Variants in SCLT1 observed in about 807,000 individuals in gnomAD.
SCLT1 encodes the protein sodium channel-associated protein 1.
In SCLT1, 78 loss-of-function variants were observed where a neutral mutation model predicts 112.8. The ratio of observed to expected loss-of-function variants is 0.69; its 90% CI spans 0.58 to 0.83. The LOEUF (loss-of-function observed/expected upper bound fraction) is 0.83. SCLT1 is among the 40% of genes least tolerant of loss of function. The pLI is 0.00. For missense variants in SCLT1, 747 were observed against 770.4 expected, an observed-to-expected ratio of 0.97 and a Z score of 0.36; for synonymous variants, 257 against 254.7, an observed-to-expected ratio of 1.01 and a Z score of -0.09.
chr4:129,029,373 T>C (rs1323271234), intron 5 of SCLT1, among the ~76,000 whole-genome samples: 1 of 152,072 alleles, frequency 6.6e-6, no homozygotes, highest in Non-Finnish European at 1.5e-5. Flanking sequence ...TCATGTCCTT[T>C]GTAGAGACAT....
chr4:129,021,513 T>G (rs1579729124), intron 5 of SCLT1, among the ~76,000 whole-genome samples: 1 of 152,180 alleles, frequency 6.6e-6, no homozygotes, highest in Non-Finnish European at 1.5e-5. Flanking sequence ...GGGAGGGGCA[T>G]CCGCCATTAC....
In SCLT1 at chr4:128,904,193, G is replaced by A. The variant is rs187414279; in HGVS notation, c.1830-13056C>T. Reference sequence around the variant, plus strand: ...TATTATAGGGTATAAGGATCAAGGTGTAATTACTATCTTCCACTAATTTTA... The same window carrying A: ...TATTATAGGGTATAAGGATCAAGGTATAATTACTATCTTCCACTAATTTTA... On this transcript the variant is annotated intron_variant, in intron 18 of 20. Coordinates refer to ENST00000281142, the MANE Select transcript of SCLT1 (RefSeq NM_144643.4). 5.9e-5 allele frequency among the ~76,000 whole-genome samples: 9 copies of A among 152,236 alleles called. No individual in the cohort carries two copies. The East Asian group carries it at 1.5e-3, about 26-fold the overall frequency.
At position 129,039,204 on chromosome 4, in the gene SCLT1, GA is replaced by G; in HGVS notation, c.235-109del. ...GATTCTGACACTAGTTTACAGATAA[GA>G]AAGACTTATTCTTTATTTATAACAA... On this transcript the variant is annotated intron_variant, in intron 4 of 20. Coordinates refer to ENST00000281142, the MANE Select transcript of SCLT1 (RefSeq NM_144643.4). 2.6e-5 allele frequency: 17 copies of G among 661,318 alleles called. 1 individual carries two copies. In the South Asian group the frequency reaches 3.1e-4, roughly 12 times the overall value. 41.0% of individuals were successfully genotyped at this position (661,318 alleles called of 1,614,324 possible).
At chr4:129,075,525 T>C (rs190210484) in intron 2 of SCLT1, among the ~76,000 whole-genome samples, 6 of 152,262 alleles carry the variant, frequency 3.9e-5, no homozygotes, top group South Asian at 4.1e-4. Context: ...AGAATTACAA[T>C]GGCCAATACA....
chr4:128,886,106 T>G (rs919290744), intron 20 of SCLT1, among the ~76,000 whole-genome samples: 3 of 152,254 alleles, frequency 2.0e-5, no homozygotes, highest in African/African-American at 7.2e-5. Flanking sequence ...TTTATTAATT[T>G]TTTTCTTAGC....
chr4:129,021,313 G>A (rs1479334135), intron 5 of SCLT1, among the ~76,000 whole-genome samples: 2 of 152,172 alleles, frequency 1.3e-5, no homozygotes, highest in African/African-American at 4.8e-5. Flanking sequence ...TCATACCCCA[G>A]TGGCGCCTGG....
intron 20 of SCLT1, 87 bp from the exon 21 acceptor site, chr4:128,884,626 T>C (rs757089983): frequency 3.2e-5 from 26 of 820,314 alleles, no homozygotes; most frequent in African/African-American, 6.8e-5. Flanking sequence ...TCACAACCTA[T>C]AAGTACTGAA....
chr4:128,892,584 A>G (rs1300461873), intron 18 of SCLT1, among the ~76,000 whole-genome samples: 1 of 152,208 alleles, frequency 6.6e-6, no homozygotes, highest in African/African-American at 2.4e-5. Context: ...CCTATAGTTG[A>G]GTGAATAGTT....
chr4:129,027,740 CCT>C (rs964204452), intron 5 of SCLT1, among the ~76,000 whole-genome samples: 6 of 152,100 alleles, frequency 3.9e-5, no homozygotes, highest in African/African-American at 1.4e-4. Flanking sequence ...TCAAATTGTC[CCT>C]GTTTGCAGAT....
intron 5 of SCLT1, among the ~76,000 whole-genome samples, chr4:129,021,856 C>T (rs1276555081): frequency 6.6e-6 from 1 of 152,214 alleles, no homozygotes; most frequent in African/African-American, 2.4e-5. Flanking sequence ...TCCCTGACTC[C>T]CATGCCTCCT....
rs149312225 is a variant in SCLT1 at position 129,035,595 on chromosome 4, C to T, written c.290+3446G>A. 1.6e-3 allele frequency among the ~76,000 whole-genome samples: 242 copies of T among 152,146 alleles called. 1 individual carries two copies. Among genetic ancestry groups the T allele is most frequent in the Middle Eastern group, 6.8e-3 (2 of 294 alleles). On this transcript the variant is annotated intron_variant, in intron 5 of 20. Transcript: ENST00000281142. ...CAGATGATGTCTTCCATACCCTCAA[C>T]AGTAAAATAAAAAATGACAACAATA...
chr4:129,085,025 C>G (rs1752271304), intron 1 of SCLT1, among the ~76,000 whole-genome samples: 3 of 152,078 alleles, frequency 2.0e-5, no homozygotes, highest in African/African-American at 7.2e-5. Flanking sequence ...CAAATGGAAA[C>G]TAATTAAAAT....
intron 5 of SCLT1, among the ~76,000 whole-genome samples, chr4:129,018,228 C>A (rs1042752467): frequency 2.0e-5 from 3 of 152,216 alleles, no homozygotes; most frequent in Admixed American, 1.3e-4. Context: ...TTAGCAGAAC[C>A]AAACCCATAT....
At chr4:129,048,324 A>G (rs920676212) in intron 2 of SCLT1, among the ~76,000 whole-genome samples, 3 of 151,982 alleles carry the variant, frequency 2.0e-5, no homozygotes, top group African/African-American at 2.4e-5. Flanking sequence ...AAATAACACC[A>G]CATATCTACA....
At chr4:129,088,618 G>C (rs1020689411) in intron 1 of SCLT1, among the ~76,000 whole-genome samples, 2 of 152,180 alleles carry the variant, frequency 1.3e-5, no homozygotes, top group African/African-American at 4.8e-5. Flanking sequence ...ACTACTGACA[G>C]ACTCTACAAA....
At chr4:129,047,555 A>C (rs1748300035) in intron 2 of SCLT1, among the ~76,000 whole-genome samples, 1 of 152,064 alleles carries the variant, frequency 6.6e-6, no homozygotes, top group Non-Finnish European at 1.5e-5. Flanking sequence ...TTTTTTGAGG[A>C]CTTCCATACT....
intron 18 of SCLT1, among the ~76,000 whole-genome samples, chr4:128,894,015 C>CTG (rs1733534886): frequency 6.6e-6 from 1 of 152,190 alleles, no homozygotes; most frequent in South Asian, 2.1e-4. Context: ...TCACGGCTCA[C>CTG]TGCAGCCTGC....
At chr4:128,937,095 T>C (rs1367447078) in intron 17 of SCLT1, among the ~76,000 whole-genome samples, 1 of 151,918 alleles carries the variant, frequency 6.6e-6, no homozygotes, top group African/African-American at 2.4e-5. Context: ...CTGACCAACA[T>C]GGTGAAACCC....
intron 2 of SCLT1, among the ~76,000 whole-genome samples, chr4:129,079,226 AAC>A (rs769465805): frequency 1.3e-5 from 2 of 152,094 alleles, no homozygotes; most frequent in Admixed American, 6.6e-5. Context: ...GTCCCTCCTC[AAC>A]AGTCCCCCAA....
Sources: allele counts gnomAD v4.1 joint callset (sites outside exome capture counted in the v4.1 genomes callset), GRCh38; gene constraint gnomAD v4.1.1; transcripts MANE v1.5; gene names NCBI Gene and HGNC (gene_info 2026-07-23, HGNC 2026-07-21).